The following PRDM11 variants were observed in gnomAD, a reference collection of about 807,000 sequenced individuals.
PRDM11 encodes PR/SET domain 11, also known as PR domain-containing protein 11.
PRDM11 carries 20 observed loss-of-function variants against 97.8 expected under a neutral mutation model. The ratio of observed to expected loss-of-function variants is 0.20; its 90% CI spans 0.14 to 0.30. The LOEUF is 0.30. Ranked by LOEUF, PRDM11 falls within the 10% of genes least tolerant of loss-of-function variation. The pLI is 1.00. For missense variants in PRDM11, 1,139 were observed against 1,555.2 expected, an observed-to-expected ratio of 0.73 and a Z score of 4.50; for synonymous variants, 599 against 637.7, an observed-to-expected ratio of 0.94 and a Z score of 0.91.
intron 5 of PRDM11, among the ~76,000 whole-genome samples, chr11:45,205,408 C>T (rs1189129882): frequency 6.6e-6 from 1 of 152,064 alleles, no homozygotes; most frequent in African/African-American, 2.4e-5. Context: ...CAGCGTGATG[C>T]TGATGGTCTG....
chr11:45,213,474 G>C (rs932785467), intron 5 of PRDM11: 1 of 455,350 alleles, frequency 2.2e-6, no homozygotes, highest in African/African-American at 2.0e-5. Flanking sequence ...GGCCTGATGG[G>C]CAGGTCAAGT....
At chr11:45,105,588 A>G (rs1852047087) in intron 1 of PRDM11, among the ~76,000 whole-genome samples, 1 of 152,230 alleles carries the variant, frequency 6.6e-6, no homozygotes. Flanking sequence ...CCCTCCCTCC[A>G]GCCGTGGTGA....
intron 6 of PRDM11, among the ~76,000 whole-genome samples, chr11:45,220,511 A>G (rs1337744756): frequency 6.6e-6 from 1 of 152,206 alleles, no homozygotes; most frequent in Non-Finnish European, 1.5e-5. Context: ...AGATGTGCAA[A>G]CCGAATATCA....
intron 4 of PRDM11, among the ~76,000 whole-genome samples, chr11:45,196,126 A>T (rs1416655256): frequency 6.6e-6 from 1 of 152,022 alleles, no homozygotes; most frequent in East Asian, 1.9e-4. Flanking sequence ...TTGCTTTCCC[A>T]CCAGTTGTAT....
At chr11:45,183,964 A>G (rs1451207170) in intron 4 of PRDM11, among the ~76,000 whole-genome samples, 4 of 152,216 alleles carry the variant, frequency 2.6e-5, no homozygotes, top group Non-Finnish European at 4.4e-5. Flanking sequence ...AAAGACTAAG[A>G]CAAATCCATG....
rs1291170218 is a variant in PRDM11 at position 45,227,325 on chromosome 11, C to T, written c.2700C>T (p.Gly900=). Residue 900 remains glycine, a synonymous_variant, in exon 8 of 8, where the codon GGC becomes GGT. Coordinates refer to ENST00000683152, the MANE Select transcript of PRDM11 (RefSeq NM_001384648.1). The surrounding 1 kb of genome is among the most constrained non-coding windows in gnomAD (Gnocchi z 8.0). The part of the protein sequence containing the change: ...VLSRLAYIFQ[G]EYLLVSQVDD... ...CGCGTCTGGCCTACATCTTCCAGGG[C>T]GAGTACCTGCTGGTGTCCCAGGTGG... The T allele has an allele frequency of 2.0e-5, 30 of 1,533,808 alleles. No homozygotes were observed. The highest frequency in any genetic ancestry group is 2.1e-5 in the Non-Finnish European group (24 of 1,146,738).
intron 1 of PRDM11, among the ~76,000 whole-genome samples, chr11:45,180,587 C>G (rs1852450630): frequency 6.6e-6 from 1 of 151,484 alleles, no homozygotes; most frequent in South Asian, 2.1e-4. Flanking sequence ...CCCTGCGCGC[C>G]CCCCTCCCGG....
chr11:45,162,644 C>T (rs1031267791), intron 1 of PRDM11, among the ~76,000 whole-genome samples: 2 of 152,084 alleles, frequency 1.3e-5, no homozygotes, highest in African/African-American at 4.8e-5. Context: ...TAGATACAGC[C>T]GAGGAAACTG....
rs548758922 is a variant in PRDM11 at position 45,183,672 on chromosome 11, A to G, written c.486+549A>G. Among the ~76,000 whole-genome samples, 4 of 152,356 alleles carry G rather than the reference A, an allele frequency of 2.6e-5. No homozygotes were observed. In the South Asian group the frequency reaches 6.2e-4, roughly 24 times the overall value. On this transcript the variant is annotated intron_variant, in intron 4 of 7. Transcript: ENST00000683152. ...GGGTACTATCAATAGATGGGTTGCA[A>G]AGATGAGGAAGAGGGGTTTTCAAGG...
intron 1 of PRDM11, among the ~76,000 whole-genome samples, chr11:45,177,362 C>T (rs1852353530): frequency 6.6e-6 from 1 of 152,246 alleles, no homozygotes; most frequent in African/African-American, 2.4e-5. Flanking sequence ...GCCGACCCCC[C>T]TTCCCCCAAG....
intron 1 of PRDM11, among the ~76,000 whole-genome samples, chr11:45,135,691 C>G (rs766081297): frequency 5.3e-5 from 8 of 152,184 alleles, no homozygotes; most frequent in Non-Finnish European, 1.2e-4. Flanking sequence ...TGGAAAAATG[C>G]ACCAGGTCCC....
intron 1 of PRDM11, among the ~76,000 whole-genome samples, chr11:45,153,998 A>G (rs1851727161): frequency 6.6e-6 from 1 of 152,172 alleles, no homozygotes; most frequent in African/African-American, 2.4e-5. Flanking sequence ...TGATAAAGGA[A>G]GTCTTTGAGG....
intron 1 of PRDM11, among the ~76,000 whole-genome samples, chr11:45,172,512 C>T (rs1290301160): frequency 6.6e-6 from 1 of 152,122 alleles, no homozygotes; most frequent in Non-Finnish European, 1.5e-5. Context: ...ACTCCTATAA[C>T]CCAGGAAATT....
chr11:45,112,770 A>G (rs1347579672), intron 1 of PRDM11, among the ~76,000 whole-genome samples: 1 of 150,334 alleles, frequency 6.7e-6, no homozygotes, highest in Non-Finnish European at 1.5e-5. Flanking sequence ...TCCTTTGCCC[A>G]CTTTTTGATG....
chr11:45,227,424 C>T lies in PRDM11; in HGVS notation c.2799C>T (p.Phe933=), dbSNP rs1030173430. Residue 933 remains phenylalanine, a synonymous_variant, in exon 8 of 8, where the codon TTC becomes TTT. Coordinates refer to ENST00000683152, the MANE Select transcript of PRDM11 (RefSeq NM_001384648.1). The surrounding 1 kb of genome is among the most constrained non-coding windows in gnomAD (Gnocchi z 8.0). ...CCCCGGGAGAATACCTGCAGGAGTT[C>T]GAGGAGAATTTCCGAGAGAGCTTCA... ...ADSPGEYLQE[F]EENFRESFNG... 4.1e-5 allele frequency: 63 copies of T among 1,533,712 alleles called. No homozygotes were observed. The highest frequency in any genetic ancestry group is 5.1e-5 in the Non-Finnish European group (58 of 1,146,722).
At chr11:45,124,701 G>A (rs1478963655) in intron 1 of PRDM11, among the ~76,000 whole-genome samples, 2 of 152,174 alleles carry the variant, frequency 1.3e-5, no homozygotes, top group Admixed American at 1.3e-4. Context: ...ACTTGATCAT[G>A]GTGGATAAGC....
chr11:45,173,117 T>C (rs1451476346), intron 1 of PRDM11, among the ~76,000 whole-genome samples: 2 of 152,096 alleles, frequency 1.3e-5, no homozygotes, highest in African/African-American at 2.4e-5. Context: ...GATCCAGTCA[T>C]TGGGGAGGGA....
chr11:45,146,109 C>T (rs1851501737), upstream of PRDM11, among the ~76,000 whole-genome samples: 1 of 152,170 alleles, frequency 6.6e-6, no homozygotes, highest in Admixed American at 6.5e-5. Flanking sequence ...TTTAACGAAC[C>T]CCAAGCCCCT....
At chr11:45,207,451 G>C (rs937467275) in intron 5 of PRDM11, among the ~76,000 whole-genome samples, 3 of 67,244 alleles carry the variant, frequency 4.5e-5, no homozygotes, top group African/African-American at 1.1e-4. Context: ...GCAAGGCCTG[G>C]AGACATGTTT....
Sources: gnomAD v4.1 joint callset for allele counts (sites outside exome capture counted in the v4.1 genomes callset) on GRCh38, gnomAD v4.1.1 for gene constraint, Gnocchi (gnomAD v3.1) non-coding constraint, MANE v1.5 for transcripts, NCBI Gene and HGNC (gene_info 2026-07-23, HGNC 2026-07-21) for gene names.